The following LRCH1 variants were observed in gnomAD, a reference collection of about 807,000 sequenced individuals.
The protein encoded by LRCH1 is leucine-rich repeat and calponin homology domain-containing protein 1.
Under a neutral mutation model 94.9 loss-of-function variants are expected in LRCH1, and 23 were observed. That is an observed-to-expected ratio of 0.24 (90% CI 0.17 to 0.34). The LOEUF (loss-of-function observed/expected upper bound fraction) is 0.34, where lower values mean the gene tolerates loss of function less well. Among genes scored for constraint, LRCH1 ranks in the 10% least tolerant of loss-of-function variants. The pLI, the probability that LRCH1 is intolerant of heterozygous loss-of-function variation, is 1.00. For synonymous variants in LRCH1, 364 were observed against 354.9 expected, an observed-to-expected ratio of 1.03 and a Z score of -0.29; for missense variants, 790 against 945.9, an observed-to-expected ratio of 0.84 and a Z score of 2.16.
chr13:46,579,895 C>T (rs1328358487), intron 1 of LRCH1, among the ~76,000 whole-genome samples: 3 of 152,180 alleles, frequency 2.0e-5, no homozygotes, highest in Non-Finnish European at 2.9e-5. Context: ...TGATCTTAAC[C>T]TTAGCCTTGT....
In LRCH1 at chr13:46,728,999, A is replaced by C; in HGVS notation, c.2007+15A>C. 5.0e-6 allele frequency: 8 copies of C among 1,609,214 alleles called. No homozygotes were observed. Among genetic ancestry groups the C allele is most frequent in the Non-Finnish European group, 6.8e-6 (8 of 1,176,838 alleles). The stretch of plus-strand genomic sequence containing the variant: ...CACCAGCGGTTGTAAGTAACACCAA[A>C]GGGAAACTAACTGACATAAAACAGA... On this transcript the variant is annotated intron_variant, in intron 18 of 19. Coordinates refer to ENST00000389797, the MANE Select transcript of LRCH1 (RefSeq NM_001164211.2).
intron 2 of LRCH1, among the ~76,000 whole-genome samples, chr13:46,666,117 G>C (rs1421337679): frequency 2.0e-5 from 3 of 152,158 alleles, no homozygotes; most frequent in Non-Finnish European, 2.9e-5. Flanking sequence ...GCTGTACGGT[G>C]ACTAAATTCT....
chr13:46,726,898 A>C (rs1207627019), intron 17 of LRCH1, among the ~76,000 whole-genome samples: 1 of 151,244 alleles, frequency 6.6e-6, no homozygotes. Flanking sequence ...CAACTAAAAC[A>C]GAGATTTAAA....
At chr13:46,576,054 T>C (rs996128231) in intron 1 of LRCH1, among the ~76,000 whole-genome samples, 12 of 152,200 alleles carry the variant, frequency 7.9e-5, no homozygotes, top group Non-Finnish European at 1.5e-4. Context: ...GGACAAACGT[T>C]GGAATTAGTC....
chr13:46,638,558 T>A (rs951015150), intron 1 of LRCH1, among the ~76,000 whole-genome samples: 1 of 152,226 alleles, frequency 6.6e-6, no homozygotes, highest in African/African-American at 2.4e-5. Flanking sequence ...GAGTAGTGGT[T>A]ATCTGGCTTA....
At chr13:46,556,120 G>C (rs2050062371) in intron 1 of LRCH1, among the ~76,000 whole-genome samples, 1 of 152,192 alleles carries the variant, frequency 6.6e-6, no homozygotes, top group Admixed American at 6.5e-5. Flanking sequence ...GGCCTAAGAG[G>C]CAAAGTGGAT....
intron 2 of LRCH1, among the ~76,000 whole-genome samples, chr13:46,657,710 G>A (rs75475942): frequency 7.0e-5 from 1 of 14,216 alleles, no homozygotes; most frequent in African/African-American, 1.9e-4. Context: ...TTTTTTTTTG[G>A]TAGAGATGGA....
At chr13:46,617,646 C>G (rs2050827025) in intron 1 of LRCH1, among the ~76,000 whole-genome samples, 1 of 152,178 alleles carries the variant, frequency 6.6e-6, no homozygotes, top group African/African-American at 2.4e-5. Context: ...GTCGTTGGTC[C>G]TTGCCTAACC....
At chr13:46,566,455 G>T (rs1052231254) in intron 1 of LRCH1, among the ~76,000 whole-genome samples, 2 of 152,188 alleles carry the variant, frequency 1.3e-5, no homozygotes, top group Non-Finnish European at 2.9e-5. Context: ...AATAATGTTT[G>T]TAGGGCCAGA....
Position 46,743,603 on chromosome 13 carries a change from G to GT in LRCH1, c.*1760dup. ...AACACATTTTGGGTGATTATTCCAA[G>GT]TTTTTATCAGCCCATTGATACATGT... On this transcript the variant is annotated 3_prime_UTR_variant, in exon 20 of 20. Coordinates refer to ENST00000389797, the MANE Select transcript of LRCH1 (RefSeq NM_001164211.2). The GT allele has an allele frequency of 2.0e-6, 2 of 985,540 alleles. No homozygotes were observed. The highest frequency in any genetic ancestry group is 9.4e-5 in the South Asian group (2 of 21,286). 61.0% of individuals were successfully genotyped at this position (985,540 alleles called of 1,614,324 possible).
intron 3 of LRCH1, 24 bp downstream of exon 3, chr13:46,669,180 C>A (rs1408667471): frequency 1.2e-6 from 2 of 1,610,898 alleles, no homozygotes; most frequent in Non-Finnish European, 8.5e-7. Flanking sequence ...TTTTAAGATG[C>A]TCTTTTTTGT....
At chr13:46,712,487 T>A in intron 14 of LRCH1, 38 bp from the exon 15 acceptor site, 2 of 1,494,362 alleles carry the variant, frequency 1.3e-6, no homozygotes, top group East Asian at 2.3e-5. Flanking sequence ...GTTTTCCTTT[T>A]ATTTTTTTCC....
chr13:46,613,641 C>G (rs973857796), intron 1 of LRCH1, among the ~76,000 whole-genome samples: 3 of 152,118 alleles, frequency 2.0e-5, no homozygotes, highest in African/African-American at 7.2e-5. Flanking sequence ...AATCCAGATG[C>G]CTGGGCTCTA....
chr13:46,645,346 G>C (rs147034862), intron 1 of LRCH1, among the ~76,000 whole-genome samples: 173 of 152,218 alleles, frequency 1.1e-3, no homozygotes, highest in Non-Finnish European at 2.1e-3. Flanking sequence ...TTATATGATG[G>C]AATATATATT....
chr13:46,661,213 C>G (rs957681855), intron 2 of LRCH1, among the ~76,000 whole-genome samples: 3 of 152,230 alleles, frequency 2.0e-5, no homozygotes, highest in African/African-American at 7.2e-5. Context: ...AAGCCTGACC[C>G]ACCCGGTTTC....
At chr13:46,589,593 CTTTTTTTTTT>C (rs762747151) in intron 1 of LRCH1, among the ~76,000 whole-genome samples, 1 of 77,712 alleles carries the variant, frequency 1.3e-5, no homozygotes, top group African/African-American at 5.5e-5. Flanking sequence ...AGTTCTCTCA[CTTTTTTTTTT>C]TTTTTTTTTT....
chr13:46,731,898 G>A (rs146156837), intron 18 of LRCH1, among the ~76,000 whole-genome samples: 4 of 152,130 alleles, frequency 2.6e-5, no homozygotes, highest in East Asian at 3.9e-4. Flanking sequence ...CATTCTCAAC[G>A]CCTTAGGACA....
rs533615134 is a variant in LRCH1 at position 46,653,075 on chromosome 13, G to C, written c.452+2730G>C. Among the ~76,000 whole-genome samples the C allele has an allele frequency of 2.6e-5, 4 of 152,288 alleles. No homozygotes were observed. The East Asian group carries it at 7.7e-4, about 29-fold the overall frequency. On this transcript the variant is annotated intron_variant, in intron 2 of 19. Coordinates refer to ENST00000389797, the MANE Select transcript of LRCH1 (RefSeq NM_001164211.2). ...CAAAGACAGAGAATTCATTGAAACG[G>C]ATCATGGCTGAAGAGGACCATGTGG...
chr13:46,652,387 T>G (rs1018895738), intron 2 of LRCH1, among the ~76,000 whole-genome samples: 5 of 66,208 alleles, frequency 7.6e-5, no homozygotes, highest in Non-Finnish European at 1.4e-4. Context: ...AGTGTATTTG[T>G]TTTTTTTGTT....
Sources: allele counts gnomAD v4.1 joint callset (sites outside exome capture counted in the v4.1 genomes callset), GRCh38; gene constraint gnomAD v4.1.1; transcripts MANE v1.5; gene names NCBI Gene and HGNC (gene_info 2026-07-23, HGNC 2026-07-21).